KIF13A: variants seen among roughly 807,000 people sequenced by gnomAD.
KIF13A encodes kinesin-like protein KIF13A.
A neutral mutation model predicts 212.2 loss-of-function variants in KIF13A; 79 were observed. The ratio of observed to expected loss-of-function variants is 0.37; its 90% CI spans 0.31 to 0.45. KIF13A has a LOEUF of 0.45. Among genes scored for constraint, KIF13A ranks in the 20% least tolerant of loss-of-function variants. The pLI, the probability that KIF13A is intolerant of heterozygous loss-of-function variation, is 1.00. For missense variants in KIF13A, 1,901 were observed against 2,209.0 expected (o/e 0.86, Z 2.79); for synonymous variants, 789 against 808.6 (o/e 0.98, Z 0.41).
chr6:17,980,237 T>C (rs1780941897), intron 2 of KIF13A, among the ~76,000 whole-genome samples: 3 of 152,144 alleles, frequency 2.0e-5, no homozygotes, highest in Admixed American at 6.5e-5. Flanking sequence ...GTCTTTAAAG[T>C]AGAATATGAT....
chr6:17,884,226 A>G (rs1451973645), intron 3 of KIF13A, among the ~76,000 whole-genome samples: 1 of 152,218 alleles, frequency 6.6e-6, no homozygotes, highest in Non-Finnish European at 1.5e-5. Context: ...CACATTTTAC[A>G]TTAATTTGGG....
chr6:17,957,063 G>T (rs555888120), intron 2 of KIF13A, among the ~76,000 whole-genome samples: 1 of 152,110 alleles, frequency 6.6e-6, no homozygotes, highest in East Asian at 1.9e-4. Context: ...TGTGTTTTTA[G>T]TAGAGACAGG....
chr6:17,882,615 G>A (rs1053482424), intron 3 of KIF13A, among the ~76,000 whole-genome samples: 8 of 151,014 alleles, frequency 5.3e-5, no homozygotes, highest in Non-Finnish European at 7.4e-5. Flanking sequence ...AGGCTGGAGC[G>A]TAGTGGCATG....
chr6:17,862,972 AC>A (rs1768975646), intron 4 of KIF13A, among the ~76,000 whole-genome samples: 1 of 152,022 alleles, frequency 6.6e-6, no homozygotes, highest in African/African-American at 2.4e-5. Flanking sequence ...AAACAAACAA[AC>A]AAAAAAACAA....
chr6:17,819,834 C>T (rs556018888), intron 16 of KIF13A, among the ~76,000 whole-genome samples: 9 of 152,112 alleles, frequency 5.9e-5, no homozygotes, highest in African/African-American at 2.2e-4. Context: ...AATATATACA[C>T]ATATTTCTCA....
intron 2 of KIF13A, among the ~76,000 whole-genome samples, chr6:17,935,425 T>G (rs562323783): frequency 6.6e-6 from 1 of 152,118 alleles, no homozygotes; most frequent in Non-Finnish European, 1.5e-5. Context: ...AGTGGCTCAG[T>G]TCAGAGAAAA....
rs572210563 is a variant in KIF13A at position 17,905,578 on chromosome 6, C to T, written c.147-7398G>A. ...GATTTTTTATACATATATCACAAAA[C>T]AATATAAAGTGCACAGCAGCTCTCC... On this transcript the variant is annotated intron_variant, in intron 2 of 38. Coordinates refer to ENST00000259711, the MANE Select transcript of KIF13A (RefSeq NM_022113.6). 2.6e-5 allele frequency among the ~76,000 whole-genome samples: 4 copies of T among 152,252 alleles called. No individual in the cohort carries two copies. In the South Asian group the frequency reaches 8.3e-4, roughly 32 times the overall value.
At position 17,785,923 on chromosome 6, in the gene KIF13A, AC is replaced by A. The variant is rs1369658554; in HGVS notation, c.3362-283del. ...CAGACAAGAGACCCTGTCTCAAAAA[AC>A]AAGCAAACAAAAACAATAAACAGAT... On this transcript the variant is annotated intron_variant, in intron 27 of 38. Transcript: ENST00000259711. The surrounding 1 kb of genome is among the most constrained non-coding windows in gnomAD (Gnocchi z 5.8). Among the ~76,000 whole-genome samples the A allele has an allele frequency of 6.6e-6, 1 of 152,122 alleles. No individual in the cohort carries two copies. Among genetic ancestry groups the A allele is most frequent in the Non-Finnish European group, 1.5e-5 (1 of 68,010 alleles).
rs1777802163 is a variant in KIF13A at position 17,951,076 on chromosome 6, G to C, written c.146+35978C>G. The C allele has an allele frequency of 9.2e-7, 1 of 1,090,408 alleles. No individual in the cohort carries two copies. Among genetic ancestry groups the C allele is most frequent in the East Asian group, 5.7e-5 (1 of 17,400 alleles). The allele number at this position is 1,090,408 out of a possible 1,614,324, so 67.5% of individuals were successfully genotyped here. On this transcript the variant is annotated intron_variant, in intron 2 of 38. Coordinates refer to ENST00000259711, the MANE Select transcript of KIF13A (RefSeq NM_022113.6). The surrounding 1 kb of genome is among the most constrained non-coding windows in gnomAD (Gnocchi z 4.9). ...TACACCTAAGGACACCTAAGGAATT[G>C]TACTTATTATATATAACACTTTGCC...
Position 17,987,383 on chromosome 6 carries a change from A to G in KIF13A, c.55+26T>C. 7.4e-7 allele frequency: 1 copy of G among 1,350,786 alleles called. No homozygotes were observed. Among genetic ancestry groups the G allele is most frequent in the Non-Finnish European group, 9.8e-7 (1 of 1,022,262 alleles). The allele number at this position is 1,350,786 out of a possible 1,614,324, so 83.7% of individuals were successfully genotyped here. On this transcript the variant is annotated intron_variant, in intron 1 of 38. Transcript: ENST00000259711. The surrounding 1 kb of genome is among the most constrained non-coding windows in gnomAD (Gnocchi z 7.7). ...GCCCCCGCCCTCAGCCCGAGCAGAA[A>G]TAAAAAAGAGCGGAAAGCTCCTCAC... is the stretch of plus-strand genomic sequence containing the variant.
chr6:17,976,572 CCACA>C (rs1402927078), intron 2 of KIF13A, among the ~76,000 whole-genome samples: 1 of 152,194 alleles, frequency 6.6e-6, no homozygotes, highest in African/African-American at 2.4e-5. Context: ...GCCTCTCCCT[CCACA>C]CCTCCCTGCA....
In KIF13A at chr6:17,787,951, G is replaced by T; in HGVS notation, c.3262-76C>A. On this transcript the variant is annotated intron_variant, in intron 26 of 38. Coordinates refer to ENST00000259711, the MANE Select transcript of KIF13A (RefSeq NM_022113.6). This position sits in a 1 kb window ranked among gnomAD's most constrained non-coding sequence, Gnocchi z 4.6. ...TTCTTTCTTTCTTTTTTTAAAAGAT[G>T]TTTAAATCAACTAGGAAATTTTTCA... 1.2e-6 allele frequency: 1 copy of T among 862,746 alleles called. No individual in the cohort carries two copies. Among genetic ancestry groups the T allele is most frequent in the Non-Finnish European group, 1.9e-6 (1 of 523,062 alleles). 53.4% of individuals were successfully genotyped at this position (862,746 alleles called of 1,614,324 possible). A position where few individuals can be genotyped will look rare whatever the true frequency, so the allele number is the denominator to read the frequency against.
rs75469261 is a variant in KIF13A, at chr6:17,763,925, T to A, written c.*185A>T. The stretch of plus-strand genomic sequence containing the variant: ...TGTGCCAGGTAAAAAAATCCACTGG[T>A]CTTATAATTTCACAATTGCGTTCTA... On this transcript the variant is annotated 3_prime_UTR_variant, in exon 39 of 39. Coordinates refer to ENST00000259711, the MANE Select transcript of KIF13A (RefSeq NM_022113.6). 5.3e-5 allele frequency: 76 copies of A among 1,429,990 alleles called. 1 individual carries two copies. The East Asian group carries it at 1.9e-3, about 36-fold the overall frequency. 88.6% of individuals were successfully genotyped at this position (1,429,990 alleles called of 1,614,324 possible).
intron 16 of KIF13A, among the ~76,000 whole-genome samples, chr6:17,821,352 CTTACCTA>C (rs997790159): frequency 2.0e-5 from 3 of 152,178 alleles, no homozygotes; most frequent in Non-Finnish European, 4.4e-5. Flanking sequence ...ATACATTAAT[CTTACCTA>C]TTACTGGGAT....
At position 17,926,539 on chromosome 6, in the gene KIF13A, C is replaced by T. The variant is rs895726343; in HGVS notation, c.147-28359G>A. 6.6e-6 allele frequency among the ~76,000 whole-genome samples: 1 copy of T among 151,962 alleles called. No homozygotes were observed. The highest frequency in any genetic ancestry group is 2.4e-5 in the African/African-American group (1 of 41,378). On this transcript the variant is annotated intron_variant, in intron 2 of 38. Transcript: ENST00000259711. This position sits in a 1 kb window ranked among gnomAD's most constrained non-coding sequence, Gnocchi z 4.3. ...GAGCCACCATGCCTGGCCCCTGGTACGTTTCTTTAAAACACATGTAGGAGG... is the reference window on the plus strand; with the variant it reads ...GAGCCACCATGCCTGGCCCCTGGTATGTTTCTTTAAAACACATGTAGGAGG...
chr6:17,881,038 G>GA (rs1247294621), intron 3 of KIF13A, among the ~76,000 whole-genome samples: 3 of 152,090 alleles, frequency 2.0e-5, no homozygotes, highest in African/African-American at 7.2e-5. Context: ...CTTTTCAACG[G>GA]AAAAAACAGC....
In KIF13A at chr6:17,968,020, G is replaced by T. The variant is rs559174360; in HGVS notation, c.146+19034C>A. Among the ~76,000 whole-genome samples, 1 of 152,100 alleles carries T rather than the reference G, an allele frequency of 6.6e-6. No individual in the cohort carries two copies. Among genetic ancestry groups the T allele is most frequent in the Admixed American group, 6.6e-5 (1 of 15,264 alleles). On this transcript the variant is annotated intron_variant, in intron 2 of 38. Transcript: ENST00000259711. This position sits in a 1 kb window ranked among gnomAD's most constrained non-coding sequence, Gnocchi z 4.7. ...TCCATTCCAATGTACATTCTTGGAC[G>T]GCATACTGAGAATTGCCCACAATGC...
intron 2 of KIF13A, among the ~76,000 whole-genome samples, chr6:17,969,169 C>T (rs1488755108): frequency 6.6e-6 from 1 of 152,210 alleles, no homozygotes; most frequent in Non-Finnish European, 1.5e-5. Flanking sequence ...AGACAAGGGG[C>T]TCTGCTCTCA....
At chr6:17,949,347 C>A (rs1777674658) in intron 2 of KIF13A, among the ~76,000 whole-genome samples, 1 of 152,124 alleles carries the variant, frequency 6.6e-6, no homozygotes, top group African/African-American at 2.4e-5. Flanking sequence ...TTACAGTAAC[C>A]ACAAAAGCCC....
Sources: gnomAD v4.1 joint callset for allele counts (sites outside exome capture counted in the v4.1 genomes callset) on GRCh38, gnomAD v4.1.1 for gene constraint, Gnocchi (gnomAD v3.1) non-coding constraint, MANE v1.5 for transcripts, NCBI Gene and HGNC (gene_info 2026-07-23, HGNC 2026-07-21) for gene names.